RBFOX1: variants seen among roughly 807,000 people sequenced by gnomAD.
RBFOX1 encodes RNA binding protein fox-1 homolog 1.
A neutral mutation model predicts 57.7 loss-of-function variants in RBFOX1; 8 were observed. The ratio of observed to expected loss-of-function variants is 0.14; its 90% CI spans 0.08 to 0.25. RBFOX1 has a LOEUF of 0.25. Ranked by LOEUF, RBFOX1 falls within the 10% of genes least tolerant of loss-of-function variation. The probability of loss-of-function intolerance (pLI) is 1.00; values close to 1 mark genes in which losing one functional copy is unlikely to be tolerated. For missense variants in RBFOX1, 611 were observed against 548.5 expected, an observed-to-expected ratio of 1.11 and a Z score of -1.14; for synonymous variants, 326 against 222.4, an observed-to-expected ratio of 1.47 and a Z score of -4.15.
intron 5 of RBFOX1, among the ~76,000 whole-genome samples, chr16:7,573,719 C>T (rs1186113909): frequency 6.6e-6 from 1 of 152,032 alleles, no homozygotes; most frequent in Non-Finnish European, 1.5e-5. Flanking sequence ...CTATAAATCC[C>T]AGCTACTCGG....
intron 4 of RBFOX1, among the ~76,000 whole-genome samples, chr16:7,303,105 C>T (rs988622942): frequency 6.6e-6 from 1 of 152,218 alleles, no homozygotes; most frequent in Non-Finnish European, 1.5e-5. Context: ...CCCGAGCTGG[C>T]ACGTTAGTCC....
chr16:6,851,774 G>A (rs527398950), intron 3 of RBFOX1, among the ~76,000 whole-genome samples: 1 of 152,226 alleles, frequency 6.6e-6, no homozygotes, highest in African/African-American at 2.4e-5. Flanking sequence ...AGGACTGGCA[G>A]GTGGCACCCG....
intron 11 of RBFOX1, among the ~76,000 whole-genome samples, chr16:7,640,509 G>C (rs1222563013): frequency 1.3e-5 from 2 of 152,158 alleles, no homozygotes; most frequent in Non-Finnish European, 2.9e-5. Context: ...GACAGATAAG[G>C]AGTCACTAGA....
intron 3 of RBFOX1, among the ~76,000 whole-genome samples, chr16:5,712,200 C>T (rs2051515151): frequency 6.6e-6 from 1 of 152,184 alleles, no homozygotes; most frequent in Non-Finnish European, 1.5e-5. Flanking sequence ...CACCAGGTCC[C>T]TTCTTCAACA....
At chr16:6,000,214 A>G (rs1423177370) in intron 4 of RBFOX1, among the ~76,000 whole-genome samples, 1 of 152,150 alleles carries the variant, frequency 6.6e-6, no homozygotes, top group Non-Finnish European at 1.5e-5. Context: ...ACAAGATCCC[A>G]TGCCCCCCTG....
intron 3 of RBFOX1, among the ~76,000 whole-genome samples, chr16:5,624,582 C>T (rs775059846): frequency 9.2e-5 from 14 of 152,204 alleles, no homozygotes; most frequent in Non-Finnish European, 1.9e-4. Flanking sequence ...AGCACAGGTT[C>T]ATGTTCCTCA....
chr16:5,431,003 T>G (rs1483757545), intron 1 of RBFOX1, among the ~76,000 whole-genome samples: 3 of 152,134 alleles, frequency 2.0e-5, no homozygotes, highest in East Asian at 3.9e-4. Context: ...TAATGGATAT[T>G]GGGAGTTAAG....
At chr16:5,967,009 T>C (rs1438560843) in intron 4 of RBFOX1, among the ~76,000 whole-genome samples, 3 of 82,258 alleles carry the variant, frequency 3.6e-5, no homozygotes, top group East Asian at 7.9e-4. Flanking sequence ...GGGGGGTCAA[T>C]AAATGATAGC....
intron 4 of RBFOX1, among the ~76,000 whole-genome samples, chr16:7,481,839 A>C (rs2064026286): frequency 6.6e-6 from 1 of 152,236 alleles, no homozygotes; most frequent in Admixed American, 6.5e-5. Context: ...TTCTCAGAAC[A>C]CTTATATTAG....
At chr16:6,034,971 C>T (rs771605453) in intron 1 of RBFOX1, among the ~76,000 whole-genome samples, 45,099 of 151,500 alleles carry the variant, frequency 0.3, 6,885 homozygotes, top group African/African-American at 0.37. Context: ...CAGCAGAGAG[C>T]ATACTATTGA....
intron 1 of RBFOX1, among the ~76,000 whole-genome samples, chr16:6,260,351 G>C (rs761134310): frequency 6.6e-6 from 1 of 152,110 alleles, no homozygotes; most frequent in Non-Finnish European, 1.5e-5. Flanking sequence ...TCATGACCCA[G>C]TGCCTCCATC....
chr16:6,261,425 C>A (rs2097700803), intron 1 of RBFOX1, among the ~76,000 whole-genome samples: 1 of 152,222 alleles, frequency 6.6e-6, no homozygotes, highest in Non-Finnish European at 1.5e-5. Flanking sequence ...GTTCCAGCCT[C>A]TCCCAGATGT....
intron 3 of RBFOX1, among the ~76,000 whole-genome samples, chr16:7,017,194 T>G (rs952585721): frequency 3.3e-5 from 5 of 152,156 alleles, no homozygotes; most frequent in Admixed American, 2.0e-4. Context: ...CTGCTTCAAG[T>G]GTTGGCGAAG....
intron 2 of RBFOX1, among the ~76,000 whole-genome samples, chr16:5,483,258 G>A (rs927781206): frequency 1.3e-5 from 2 of 152,170 alleles, no homozygotes; most frequent in Non-Finnish European, 1.5e-5. Context: ...CAGTAGCAAG[G>A]ATGGCAGACA....
chr16:5,247,277 G>A (rs2062325773), intron 1 of RBFOX1, among the ~76,000 whole-genome samples: 1 of 152,206 alleles, frequency 6.6e-6, no homozygotes, highest in Admixed American at 6.5e-5. Context: ...GCAAACTGTG[G>A]TTTGTGGGAC....
intron 1 of RBFOX1, among the ~76,000 whole-genome samples, chr16:6,280,009 C>G (rs142640433): frequency 6.6e-6 from 1 of 151,860 alleles, no homozygotes; most frequent in East Asian, 1.9e-4. Context: ...TTACAGAAGC[C>G]TATCCTAAGC....
intron 2 of RBFOX1, among the ~76,000 whole-genome samples, chr16:6,596,112 A>G (rs997817963): frequency 6.6e-6 from 1 of 152,162 alleles, no homozygotes; most frequent in African/African-American, 2.4e-5. Context: ...CAGCAGCACA[A>G]TTAAAAAATG....
chr16:5,895,195 G>A (rs1389504497), intron 4 of RBFOX1, among the ~76,000 whole-genome samples: 5 of 152,166 alleles, frequency 3.3e-5, no homozygotes, highest in African/African-American at 1.2e-4. Flanking sequence ...TGCTATAAAT[G>A]CTGAGGTCAT....
At chr16:6,866,254 C>G (rs1567626054) in intron 3 of RBFOX1, among the ~76,000 whole-genome samples, 1 of 151,990 alleles carries the variant, frequency 6.6e-6, no homozygotes, top group Non-Finnish European at 1.5e-5. Context: ...ATGTAAACTA[C>G]TTTCCTACCA....
Sources: gnomAD v4.1 joint callset for allele counts (sites outside exome capture counted in the v4.1 genomes callset) on GRCh38, gnomAD v4.1.1 for gene constraint, MANE v1.5 for transcripts, NCBI Gene and HGNC (gene_info 2026-07-23, HGNC 2026-07-21) for gene names.